The following GLIS3 variants were observed in gnomAD, a reference collection of about 807,000 sequenced individuals.
GLIS3 encodes zinc finger protein GLIS3.
GLIS3 carries 53 observed loss-of-function variants against 78.6 expected under a neutral mutation model. The ratio of observed to expected loss-of-function variants is 0.67; its 90% CI spans 0.54 to 0.85. GLIS3 has a LOEUF of 0.85. Among genes scored for constraint, GLIS3 ranks in the 40% least tolerant of loss-of-function variants. The probability of loss-of-function intolerance (pLI) is 0.00; values close to 1 mark genes in which losing one functional copy is unlikely to be tolerated. For missense variants in GLIS3, 1,703 were observed against 1,231.1 expected, an observed-to-expected ratio of 1.38 and a Z score of -5.74; for synonymous variants, 684 against 509.9, an observed-to-expected ratio of 1.34 and a Z score of -4.60.
chr9:4,118,062 C>T lies in GLIS3; in HGVS notation c.1416G>A (p.Glu472=), dbSNP rs772552747. The T allele has an allele frequency of 6.3e-7, 1 of 1,579,880 alleles. No homozygotes were observed. The change falls in exon 4 of 11, where the codon GAG becomes GAA. Residue 472 remains glutamate, a synonymous_variant. Coordinates refer to ENST00000381971, the MANE Select transcript of GLIS3 (RefSeq NM_001042413.2). The surrounding 1 kb of genome is among the most constrained non-coding windows in gnomAD (Gnocchi z 4.7). Reference sequence around the variant, plus strand: ...CCAGCTGCTGGGCGTGGGGCCCGAGCTCCGGGTGGTGAAGGTGCGCATGGG... The same window carrying T: ...CCAGCTGCTGGGCGTGGGGCCCGAGTTCCGGGTGGTGAAGGTGCGCATGGG... The part of the protein sequence containing the change: ...YHAHAHLHHP[E]LGPHAQQLAL...
intron 2 of GLIS3, among the ~76,000 whole-genome samples, chr9:4,166,470 G>A (rs1474664966): frequency 6.6e-6 from 1 of 152,126 alleles, no homozygotes; most frequent in African/African-American, 2.4e-5. Flanking sequence ...AGACGTGATG[G>A]GAAGAATAAA....
chr9:3,870,918 G>T (rs1287820537), intron 8 of GLIS3, among the ~76,000 whole-genome samples: 1 of 152,190 alleles, frequency 6.6e-6, no homozygotes, highest in Non-Finnish European at 1.5e-5. Flanking sequence ...ACCGTCCAAA[G>T]TCTTGTCTGA....
chr9:4,396,186 C>G, the GLIS3 span, among the ~76,000 whole-genome samples: 2 of 151,784 alleles, frequency 1.3e-5, no homozygotes, highest in African/African-American at 4.8e-5. Context: ...GATCTCAGCT[C>G]ACTGCAAACT....
At chr9:4,267,742 G>A (rs1029374634) in intron 2 of GLIS3, among the ~76,000 whole-genome samples, 1 of 152,156 alleles carries the variant, frequency 6.6e-6, no homozygotes, top group Non-Finnish European at 1.5e-5. Context: ...ATTTCATTCA[G>A]CTTCCTCATT....
At chr9:4,060,915 C>T (rs1826590882) in intron 4 of GLIS3, among the ~76,000 whole-genome samples, 1 of 152,194 alleles carries the variant, frequency 6.6e-6, no homozygotes, top group Admixed American at 6.5e-5. Context: ...GAATGTGCCA[C>T]CACTCCCACT....
At chr9:4,276,104 A>G (rs1007927226) in intron 2 of GLIS3, among the ~76,000 whole-genome samples, 37 of 151,334 alleles carry the variant, frequency 2.4e-4, no homozygotes, top group Middle Eastern at 3.4e-3. Flanking sequence ...AGCAACATAG[A>G]AAAACCCCAT....
chr9:3,844,220 G>T (rs1379041606), intron 9 of GLIS3, among the ~76,000 whole-genome samples: 3 of 152,120 alleles, frequency 2.0e-5, no homozygotes, highest in Non-Finnish European at 4.4e-5. Context: ...CAACCCAGAT[G>T]TTCACTGATG....
At chr9:4,424,502 A>C in the GLIS3 span, among the ~76,000 whole-genome samples, 1 of 152,134 alleles carries the variant, frequency 6.6e-6, no homozygotes, top group East Asian at 1.9e-4. Flanking sequence ...TCTCTTAGAG[A>C]ATACTTGATT....
intron 4 of GLIS3, among the ~76,000 whole-genome samples, chr9:4,100,518 G>A (rs192297433): frequency 1.3e-5 from 2 of 152,180 alleles, no homozygotes; most frequent in Non-Finnish European, 2.9e-5. Context: ...AAGTAAAAAC[G>A]TACATTTTCT....
intron 2 of GLIS3, among the ~76,000 whole-genome samples, chr9:4,255,062 A>T (rs1211572045): frequency 1.3e-5 from 2 of 152,240 alleles, no homozygotes; most frequent in Admixed American, 1.3e-4. Context: ...TAAAGACCTT[A>T]GCAGACATTT....
At chr9:4,427,685 C>A in the GLIS3 span, among the ~76,000 whole-genome samples, 3 of 151,550 alleles carry the variant, frequency 2.0e-5, no homozygotes. Flanking sequence ...ATGGTGAAAC[C>A]CTGTCTCTAC....
chr9:4,150,939 C>G (rs1834628476), intron 2 of GLIS3: 1 of 152,098 alleles, frequency 6.6e-6, no homozygotes, highest in South Asian at 2.1e-4. Flanking sequence ...GATGCAAATA[C>G]CTCTGAGGCA....
chr9:4,222,879 T>C (rs151184144), intron 2 of GLIS3, among the ~76,000 whole-genome samples: 179 of 152,348 alleles, frequency 1.2e-3, no homozygotes, highest in Middle Eastern at 6.8e-3. Flanking sequence ...GAAATGCTCA[T>C]TCACGAAGCT....
At chr9:4,115,312 A>G (rs1586711344) in intron 4 of GLIS3, among the ~76,000 whole-genome samples, 2 of 152,308 alleles carry the variant, frequency 1.3e-5, no homozygotes, top group South Asian at 4.1e-4. Context: ...AGTGTATGAC[A>G]CAGCCACAAA....
At chr9:4,069,981 C>T (rs899155124) in intron 4 of GLIS3, among the ~76,000 whole-genome samples, 1 of 151,978 alleles carries the variant, frequency 6.6e-6, no homozygotes, top group East Asian at 1.9e-4. Context: ...CCAGGAGAGA[C>T]CCAGGGAACA....
chr9:4,060,653 G>C (rs77334438), intron 4 of GLIS3, among the ~76,000 whole-genome samples: 184 of 152,276 alleles, frequency 1.2e-3, no homozygotes, highest in Middle Eastern at 3.4e-3. Flanking sequence ...GTGTGCCTCA[G>C]AACTCTTGAG....
At chr9:4,333,248 A>AAAGGAAAAGGGGAAGGG in intron 2 of GLIS3, among the ~76,000 whole-genome samples, 2 of 151,310 alleles carry the variant, frequency 1.3e-5, no homozygotes, top group Non-Finnish European at 2.9e-5. Flanking sequence ...GAGGGGAAGG[A>AAAGGAAAAGGGGAAGGG]AAGGAAAGAA....
chr9:4,137,135 C>T (rs1473489196), intron 2 of GLIS3, among the ~76,000 whole-genome samples: 1 of 152,048 alleles, frequency 6.6e-6, no homozygotes, highest in East Asian at 1.9e-4. Flanking sequence ...GGTTATGAAG[C>T]AAGTTAGAGT....
At chr9:4,141,431 G>A (rs1045363196) in intron 2 of GLIS3, among the ~76,000 whole-genome samples, 1 of 152,228 alleles carries the variant, frequency 6.6e-6, no homozygotes, top group East Asian at 1.9e-4. Flanking sequence ...TAGAGGCTAT[G>A]TGGGGCTTGG....
Sources: gnomAD v4.1 joint callset for allele counts (sites outside exome capture counted in the v4.1 genomes callset) on GRCh38, gnomAD v4.1.1 for gene constraint, Gnocchi (gnomAD v3.1) non-coding constraint, MANE v1.5 for transcripts, NCBI Gene and HGNC (gene_info 2026-07-23, HGNC 2026-07-21) for gene names.